The following SMIM36 variants were observed in gnomAD, a reference collection of about 807,000 sequenced individuals.
SMIM36 encodes small integral membrane protein 36.
intron 1 of SMIM36, among the ~76,000 whole-genome samples, chr17:55,502,687 G>A (rs10438764): frequency 8.2e-6 from 1 of 122,076 alleles, no homozygotes; most frequent in Non-Finnish European, 1.7e-5. Context: ...CCAAAGGAAC[G>A]CAGCTCCTCA....
chr17:55,509,017 A>C (rs773960532), intron 1 of SMIM36, among the ~76,000 whole-genome samples: 3 of 152,190 alleles, frequency 2.0e-5, no homozygotes, highest in Non-Finnish European at 4.4e-5. Context: ...ATAGTTTTTA[A>C]ATCACATACT....
At chr17:55,500,175 T>C (rs1598456741) in intron 1 of SMIM36, among the ~76,000 whole-genome samples, 1 of 151,792 alleles carries the variant, frequency 6.6e-6, no homozygotes, top group Non-Finnish European at 1.5e-5. Flanking sequence ...GGCTGGAGGG[T>C]AGAGAGTAAT....
At chr17:55,505,760 C>A (rs931382744) in intron 1 of SMIM36, among the ~76,000 whole-genome samples, 1 of 114,428 alleles carries the variant, frequency 8.7e-6, no homozygotes, top group Non-Finnish European at 1.7e-5. Flanking sequence ...AAAGGGTATT[C>A]AATTAGGAAA....
At chr17:55,450,135 GA>G in exon 5 of SMIM36, 1 of 152,178 alleles carries the variant, frequency 6.6e-6, no homozygotes, top group Non-Finnish European at 1.5e-5. Flanking sequence ...GAGAGAAGAA[GA>G]GGCAGCAGTA....
chr17:55,480,910 T>G (rs1909508673), intron 1 of SMIM36, among the ~76,000 whole-genome samples: 3 of 152,186 alleles, frequency 2.0e-5, no homozygotes, highest in Non-Finnish European at 4.4e-5. Context: ...GTTTCTCAAT[T>G]TTTCTAGGCA....
the SMIM36 span, among the ~76,000 whole-genome samples, chr17:55,516,783 C>T: frequency 1.3e-5 from 2 of 152,076 alleles, no homozygotes; most frequent in African/African-American, 4.8e-5. Context: ...TGGTCTCAAA[C>T]TCCTGACCTC....
At chr17:55,503,908 AG>A (rs1910038060) in intron 1 of SMIM36, among the ~76,000 whole-genome samples, 1 of 131,878 alleles carries the variant, frequency 7.6e-6, no homozygotes, top group Non-Finnish European at 1.6e-5. Flanking sequence ...AAACAAAAAA[AG>A]GCAGGGGTTG....
At chr17:55,478,238 CTT>C (rs558302368) in intron 3 of SMIM36, among the ~76,000 whole-genome samples, 25 of 143,092 alleles carry the variant, frequency 1.7e-4, no homozygotes, top group Non-Finnish European at 2.8e-4. Context: ...GAGGTTATTC[CTT>C]TTTTTTTTTT....
At chr17:55,521,201 G>A in the SMIM36 span, among the ~76,000 whole-genome samples, 1 of 152,124 alleles carries the variant, frequency 6.6e-6, no homozygotes, top group South Asian at 2.1e-4. Context: ...AAGATGAGTA[G>A]AGCTAGGCTA....
At chr17:55,493,579 G>A (rs1281783557) in intron 1 of SMIM36, among the ~76,000 whole-genome samples, 1 of 152,078 alleles carries the variant, frequency 6.6e-6, no homozygotes, top group African/African-American at 2.4e-5. Flanking sequence ...GGAAGCCAAG[G>A]CAGGAAGATT....
the SMIM36 span, among the ~76,000 whole-genome samples, chr17:55,519,818 G>C: frequency 7.9e-4 from 121 of 152,346 alleles, no homozygotes; most frequent in Non-Finnish European, 1.5e-3. Context: ...GATTTTGATG[G>C]AGAAAGGTGA....
At chr17:55,521,674 G>A in the SMIM36 span, among the ~76,000 whole-genome samples, 66 of 152,240 alleles carry the variant, frequency 4.3e-4, no homozygotes, top group African/African-American at 1.5e-3. Flanking sequence ...ATGTATCCTT[G>A]CCTCCAAGAT....
Position 55,457,274 on chromosome 17 carries a change from C to T in SMIM36, c.*532-6976G>A, listed in dbSNP as rs1016898048. Among the ~76,000 whole-genome samples the T allele has an allele frequency of 2.0e-5, 3 of 151,624 alleles. No homozygotes were observed. The Middle Eastern group carries it at 0.01, about 530-fold the overall frequency. ...ACCATCCTGGCCAATATGGTGAAAC[C>T]CCATCCCTACTAAAAATACAAAAAA... On this transcript the variant is annotated intron_variant, in intron 4 of 4. Transcript: ENST00000636752.
chr17:55,461,356 A>T (rs118175162), intron 4 of SMIM36, among the ~76,000 whole-genome samples: 91 of 152,314 alleles, frequency 6.0e-4, no homozygotes, highest in Admixed American at 1.4e-3. Flanking sequence ...ATCTCAACAC[A>T]TAATACTAAA....
intron 1 of SMIM36, among the ~76,000 whole-genome samples, chr17:55,500,344 C>G (rs1270067949): frequency 6.6e-6 from 1 of 152,078 alleles, no homozygotes; most frequent in Admixed American, 6.6e-5. Context: ...AGGCTGGTCT[C>G]AAACTCTTGG....
At chr17:55,471,308 C>T (rs1295952730) in intron 3 of SMIM36, among the ~76,000 whole-genome samples, 2 of 152,168 alleles carry the variant, frequency 1.3e-5, no homozygotes, top group Non-Finnish European at 2.9e-5. Context: ...TGATGATCTT[C>T]TTCTTTGCAG....
At chr17:55,516,809 C>T in the SMIM36 span, among the ~76,000 whole-genome samples, 3 of 152,072 alleles carry the variant, frequency 2.0e-5, no homozygotes, top group African/African-American at 7.2e-5. Flanking sequence ...ATCCACCTGC[C>T]TCGGCCTCCT....
rs560291225 is a variant in SMIM36, at chr17:55,465,651, G to C, written c.*531+1494C>G. Reference sequence around the variant, plus strand: ...TGACAATTAGCTTTGTTTAAAAATGGAATTAAGTTCTTTCATCAGGTGGTG... The same window carrying C: ...TGACAATTAGCTTTGTTTAAAAATGCAATTAAGTTCTTTCATCAGGTGGTG... On this transcript the variant is annotated intron_variant, in intron 4 of 4. Coordinates refer to ENST00000636752, the Ensembl canonical transcript of SMIM36. Among the ~76,000 whole-genome samples, 4 of 152,186 alleles carry C rather than the reference G, an allele frequency of 2.6e-5. No individual in the cohort carries two copies. The East Asian group carries it at 7.7e-4, about 29-fold the overall frequency.
chr17:55,456,131 A>G (rs1162766978), intron 4 of SMIM36, among the ~76,000 whole-genome samples: 4 of 150,982 alleles, frequency 2.6e-5, no homozygotes, highest in South Asian at 4.2e-4. Flanking sequence ...AAAAAAAAAA[A>G]AAAAAAAAAA....
Sources: gnomAD v4.1 joint callset for allele counts (sites outside exome capture counted in the v4.1 genomes callset) on GRCh38, gnomAD v4.1.1 for gene constraint, MANE v1.5 for transcripts, NCBI Gene and HGNC (gene_info 2026-07-23, HGNC 2026-07-21) for gene names.